TRAF3: variants seen among roughly 807,000 people sequenced by gnomAD.
TRAF3 encodes TNF receptor associated factor 3.
TRAF3 carries 13 observed loss-of-function variants against 62.3 expected under a neutral mutation model. That is an observed-to-expected ratio of 0.21 (90% CI 0.14 to 0.33). TRAF3 has a LOEUF of 0.33. TRAF3 is among the 10% of genes least tolerant of loss of function. The probability of loss-of-function intolerance (pLI) is 1.00; values close to 1 mark genes in which losing one functional copy is unlikely to be tolerated. For missense variants in TRAF3, 440 were observed against 741.8 expected (o/e 0.59, Z 4.73); for synonymous variants, 269 against 283.4 (o/e 0.95, Z 0.51).
At chr14:102,780,129 GAGAA>G (rs1310093398) in intron 1 of TRAF3, among the ~76,000 whole-genome samples, 19 of 152,190 alleles carry the variant, frequency 1.2e-4, no homozygotes, top group Non-Finnish European at 2.6e-4. Flanking sequence ...GGCTACCAGA[GAGAA>G]GCAGCCGAGG....
intron 7 of TRAF3, among the ~76,000 whole-genome samples, chr14:102,888,965 G>C (rs1889558527): frequency 6.6e-6 from 1 of 152,180 alleles, no homozygotes; most frequent in African/African-American, 2.4e-5. Flanking sequence ...AGAGTTGACA[G>C]TAGTAAGAGT....
intron 7 of TRAF3, among the ~76,000 whole-genome samples, chr14:102,887,631 GTCAC>G (rs1889469599): frequency 6.6e-6 from 1 of 151,252 alleles, no homozygotes; most frequent in Admixed American, 6.6e-5. Flanking sequence ...GTCTCGCTCT[GTCAC>G]TCAGGCTGGA....
At chr14:102,855,114 T>C (rs1485044548) in intron 2 of TRAF3, among the ~76,000 whole-genome samples, 2 of 152,224 alleles carry the variant, frequency 1.3e-5, no homozygotes, top group African/African-American at 4.8e-5. Context: ...TCTGACTTAC[T>C]CACTTAGCAT....
intron 2 of TRAF3, among the ~76,000 whole-genome samples, chr14:102,843,371 C>A (rs1237564241): frequency 1.3e-5 from 2 of 151,982 alleles, no homozygotes; most frequent in African/African-American, 4.8e-5. Context: ...GGATCTCACT[C>A]TAGTGTCCAG....
At chr14:102,866,715 T>C (rs1888013012) in intron 2 of TRAF3, among the ~76,000 whole-genome samples, 1 of 152,032 alleles carries the variant, frequency 6.6e-6, no homozygotes, top group African/African-American at 2.4e-5. Flanking sequence ...CATGGTGGCA[T>C]GTGCCTATAA....
chr14:102,808,541 A>G (rs1898916305), intron 1 of TRAF3, among the ~76,000 whole-genome samples: 1 of 151,738 alleles, frequency 6.6e-6, no homozygotes, highest in African/African-American at 2.4e-5. Flanking sequence ...AAGAAGAACC[A>G]TACTAGTCAG....
intron 1 of TRAF3, among the ~76,000 whole-genome samples, chr14:102,804,691 C>T (rs1255840919): frequency 6.6e-6 from 1 of 151,964 alleles, no homozygotes; most frequent in East Asian, 1.9e-4. Context: ...TTTGCTATAT[C>T]GCCCAGGCTG....
At chr14:102,823,394 C>A (rs571313053) in intron 1 of TRAF3, among the ~76,000 whole-genome samples, 1 of 152,038 alleles carries the variant, frequency 6.6e-6, no homozygotes, top group Non-Finnish European at 1.5e-5. Context: ...AGTTCCATAG[C>A]GACACCTCTC....
At chr14:102,816,233 G>T (rs1018219126) in intron 1 of TRAF3, among the ~76,000 whole-genome samples, 14 of 151,902 alleles carry the variant, frequency 9.2e-5, no homozygotes, top group Admixed American at 2.0e-4. Context: ...CCCCCAAGTA[G>T]CTGGGACTAC....
At chr14:102,793,034 A>G (rs1260734257) in intron 1 of TRAF3, among the ~76,000 whole-genome samples, 1 of 151,506 alleles carries the variant, frequency 6.6e-6, no homozygotes, top group Non-Finnish European at 1.5e-5. Context: ...GGTCTCGAAC[A>G]CGTGGTCTCA....
chr14:102,797,143 G>A (rs957182466), intron 1 of TRAF3, among the ~76,000 whole-genome samples: 1 of 152,200 alleles, frequency 6.6e-6, no homozygotes, highest in African/African-American at 2.4e-5. Flanking sequence ...TCCTCTCTGT[G>A]TTCTGCATCT....
intron 2 of TRAF3, among the ~76,000 whole-genome samples, chr14:102,868,250 G>GA (rs1888120699): frequency 6.6e-6 from 1 of 152,180 alleles, no homozygotes; most frequent in African/African-American, 2.4e-5. Context: ...GGATGGAGGA[G>GA]GCATGGAGGT....
At chr14:102,862,685 T>C (rs1887749232) in intron 2 of TRAF3, among the ~76,000 whole-genome samples, 1 of 152,194 alleles carries the variant, frequency 6.6e-6, no homozygotes, top group Admixed American at 6.5e-5. Context: ...CCATTATTTC[T>C]TCAAACTTTT....
chr14:102,832,685 A>G (rs1270410079), intron 2 of TRAF3, among the ~76,000 whole-genome samples: 2 of 152,096 alleles, frequency 1.3e-5, no homozygotes, highest in African/African-American at 4.8e-5. Context: ...ACCAAAAAAT[A>G]TATATATTTA....
intron 2 of TRAF3, among the ~76,000 whole-genome samples, chr14:102,848,221 C>T (rs1328805870): frequency 6.6e-6 from 1 of 152,176 alleles, no homozygotes; most frequent in African/African-American, 2.4e-5. Flanking sequence ...CTCTTGAGCC[C>T]AAGAGTTCGA....
At position 102,851,470 on chromosome 14, in the gene TRAF3, C is replaced by T. The variant is rs1179789005; in HGVS notation, c.-17-18715C>T. 2.0e-5 allele frequency among the ~76,000 whole-genome samples: 3 copies of T among 152,258 alleles called. No individual in the cohort carries two copies. The South Asian group carries it at 6.2e-4, about 32-fold the overall frequency. ...TAGAATTTACCATCACAGGGCCGGG[C>T]GCAGTGGCTCAGGCCTGTAATCCCA... On this transcript the variant is annotated intron_variant, in intron 2 of 11. Transcript: ENST00000392745.
intron 2 of TRAF3, among the ~76,000 whole-genome samples, chr14:102,854,803 T>A (rs929957925): frequency 1.8e-4 from 4 of 21,860 alleles, no homozygotes; most frequent in Non-Finnish European, 2.4e-4. Context: ...ACCTGGCTGT[T>A]TTTTTTTTTT....
chr14:102,902,634 C>T (rs1938544637), intron 10 of TRAF3, among the ~76,000 whole-genome samples: 1 of 152,182 alleles, frequency 6.6e-6, no homozygotes, highest in Admixed American at 6.5e-5. Context: ...TGTATTATGG[C>T]CCCCGAGGTA....
chr14:102,857,550 C>T (rs569556477), intron 2 of TRAF3, among the ~76,000 whole-genome samples: 4 of 152,308 alleles, frequency 2.6e-5, no homozygotes, highest in Admixed American at 1.3e-4. Context: ...GGTTTGTACC[C>T]TCAAATAACC....
Sources: gnomAD v4.1 joint callset for allele counts (sites outside exome capture counted in the v4.1 genomes callset) on GRCh38, gnomAD v4.1.1 for gene constraint, MANE v1.5 for transcripts, NCBI Gene and HGNC (gene_info 2026-07-23, HGNC 2026-07-21) for gene names.